Variants in PRKCB observed in about 807,000 individuals in gnomAD.
PRKCB encodes the protein protein kinase C beta type.
In PRKCB, 13 loss-of-function variants were observed where a neutral mutation model predicts 81.5. The ratio of observed to expected loss-of-function variants is 0.16; its 90% CI spans 0.10 to 0.25. The LOEUF (loss-of-function observed/expected upper bound fraction) is 0.25, where lower values mean the gene tolerates loss of function less well. Among genes scored for constraint, PRKCB ranks in the 10% least tolerant of loss-of-function variants. The probability of loss-of-function intolerance (pLI) is 1.00; values close to 1 mark genes in which losing one functional copy is unlikely to be tolerated. For synonymous variants in PRKCB, 335 were observed against 321.4 expected (o/e 1.04, Z -0.45); for missense variants, 509 against 875.7 (o/e 0.58, Z 5.29).
chr16:24,125,376 T>C (rs964234900), intron 9 of PRKCB, among the ~76,000 whole-genome samples: 4 of 152,314 alleles, frequency 2.6e-5, no homozygotes, highest in Non-Finnish European at 5.9e-5. Context: ...CACTGTGCTC[T>C]GGCCACAACA....
At chr16:23,971,625 C>T (rs934422939) in intron 2 of PRKCB, among the ~76,000 whole-genome samples, 7 of 152,272 alleles carry the variant, frequency 4.6e-5, no homozygotes, top group Non-Finnish European at 5.9e-5. Context: ...TCTCTGGCCC[C>T]GCTCTGTGAT....
chr16:24,187,478 A>C (rs184724957), intron 15 of PRKCB, among the ~76,000 whole-genome samples: 59 of 152,302 alleles, frequency 3.9e-4, no homozygotes, highest in African/African-American at 1.3e-3. Context: ...CTCTGCTCCA[A>C]GCCCCTTGGA....
At chr16:24,078,417 G>A (rs562090134) in intron 5 of PRKCB, among the ~76,000 whole-genome samples, 97 of 152,316 alleles carry the variant, frequency 6.4e-4, no homozygotes, top group African/African-American at 2.2e-3. Flanking sequence ...GCAGGAGGTG[G>A]TCTCCAAACA....
intron 2 of PRKCB, among the ~76,000 whole-genome samples, chr16:23,978,976 AAAT>A (rs1225205343): frequency 6.6e-6 from 1 of 152,168 alleles, no homozygotes; most frequent in African/African-American, 2.4e-5. Context: ...TGGAGCAGGG[AAAT>A]AATATCAAAG....
At chr16:23,978,638 T>A (rs1360291457) in intron 2 of PRKCB, among the ~76,000 whole-genome samples, 1 of 152,180 alleles carries the variant, frequency 6.6e-6, no homozygotes, top group East Asian at 1.9e-4. Context: ...GGCTGGAGTG[T>A]GGGGCAGTGG....
At chr16:24,130,125 C>T (rs910022044) in intron 9 of PRKCB, among the ~76,000 whole-genome samples, 3 of 152,118 alleles carry the variant, frequency 2.0e-5, no homozygotes, top group Non-Finnish European at 4.4e-5. Flanking sequence ...TACCATTTAA[C>T]CAGAATTCAA....
At chr16:23,950,903 C>G (rs1964271490) in intron 2 of PRKCB, among the ~76,000 whole-genome samples, 1 of 152,184 alleles carries the variant, frequency 6.6e-6, no homozygotes, top group African/African-American at 2.4e-5. Context: ...CTGAGCATCC[C>G]TGGTAGGAAA....
intron 2 of PRKCB, among the ~76,000 whole-genome samples, chr16:23,860,998 A>G (rs938375179): frequency 5.3e-5 from 8 of 152,158 alleles, no homozygotes; most frequent in Non-Finnish European, 8.8e-5. Flanking sequence ...TTTCTAATGC[A>G]TGCAAATCTC....
At chr16:24,022,877 G>A (rs966089993) in intron 3 of PRKCB, among the ~76,000 whole-genome samples, 1 of 152,174 alleles carries the variant, frequency 6.6e-6, no homozygotes, top group Middle Eastern at 3.2e-3. Context: ...GTTGGCCAAC[G>A]GTAGCTTCTT....
intron 5 of PRKCB, among the ~76,000 whole-genome samples, chr16:24,080,027 T>G (rs1035851347): frequency 9.9e-5 from 15 of 152,238 alleles, no homozygotes; most frequent in Admixed American, 3.9e-4. Context: ...AATCATATTA[T>G]TAATAGATTT....
intron 2 of PRKCB, among the ~76,000 whole-genome samples, chr16:23,986,199 G>A (rs1355675906): frequency 6.6e-6 from 1 of 152,150 alleles, no homozygotes; most frequent in Non-Finnish European, 1.5e-5. Flanking sequence ...TCTTTGTCCA[G>A]TTTTCCCTTT....
At chr16:24,030,885 C>A (rs1965542388) in intron 3 of PRKCB, among the ~76,000 whole-genome samples, 1 of 120,736 alleles carries the variant, frequency 8.3e-6, no homozygotes. Context: ...GTGATAAGAG[C>A]AAAACTCTAT....
intron 16 of PRKCB, among the ~76,000 whole-genome samples, chr16:24,197,088 G>T (rs1967890890): frequency 2.0e-5 from 3 of 152,188 alleles, no homozygotes; most frequent in South Asian, 4.1e-4. Flanking sequence ...GGGTGATGAG[G>T]TTAGGTAATG....
intron 8 of PRKCB, among the ~76,000 whole-genome samples, chr16:24,116,479 C>T (rs1029800658): frequency 7.2e-5 from 11 of 152,130 alleles, no homozygotes; most frequent in East Asian, 1.9e-4. Flanking sequence ...TATGCCCACC[C>T]GACATGCTGG....
chr16:24,192,187 G>A (rs887261301), intron 16 of PRKCB, among the ~76,000 whole-genome samples: 7 of 152,228 alleles, frequency 4.6e-5, no homozygotes, highest in African/African-American at 7.2e-5. Context: ...TGCTAGGCAC[G>A]TAATGATAAT....
intron 16 of PRKCB, among the ~76,000 whole-genome samples, chr16:24,194,032 A>G (rs1361282163): frequency 6.6e-6 from 1 of 152,140 alleles, no homozygotes; most frequent in East Asian, 1.9e-4. Context: ...TTTATATAAA[A>G]TCTCACAATT....
chr16:24,185,573 T>C lies in PRKCB; in HGVS notation c.1722+6T>C. On this transcript the variant is annotated splice_donor_region_variant and intron_variant, in intron 15 of 16. Coordinates refer to ENST00000643927, the MANE Select transcript of PRKCB (RefSeq NM_002738.7). ...CTGTGGCCATCTGCAAAGGGGTAAG[T>C]GCATCTCTTAAAGCTGTGACCAGGA... The C allele has an allele frequency of 6.2e-7, 1 of 1,608,206 alleles. No individual in the cohort carries two copies. Among genetic ancestry groups the C allele is most frequent in the South Asian group, 1.1e-5 (1 of 90,956 alleles).
intron 5 of PRKCB, among the ~76,000 whole-genome samples, chr16:24,045,934 G>A (rs970024608): frequency 6.6e-6 from 1 of 152,230 alleles, no homozygotes; most frequent in African/African-American, 2.4e-5. Context: ...CTCCAGCCCC[G>A]CGTTGGCCAT....
chr16:23,953,255 C>T (rs1382102175), intron 2 of PRKCB, among the ~76,000 whole-genome samples: 3 of 152,220 alleles, frequency 2.0e-5, no homozygotes, highest in Admixed American at 6.5e-5. Context: ...AGCTAACCAG[C>T]TGTCTACCGG....
Sources: allele counts gnomAD v4.1 joint callset (sites outside exome capture counted in the v4.1 genomes callset), GRCh38; gene constraint gnomAD v4.1.1; transcripts MANE v1.5; gene names NCBI Gene and HGNC (gene_info 2026-07-23, HGNC 2026-07-21).